XPR1: variants seen among roughly 807,000 people sequenced by gnomAD.
XPR1 encodes the protein xenotropic and polytropic retrovirus receptor 1.
XPR1 carries 28 observed loss-of-function variants against 87.5 expected under a neutral mutation model. The ratio of observed to expected loss-of-function variants is 0.32; its 90% CI spans 0.24 to 0.44. The LOEUF is 0.44. Ranked by LOEUF, XPR1 falls within the 20% of genes least tolerant of loss-of-function variation. The probability of loss-of-function intolerance (pLI) is 1.00; values close to 1 mark genes in which losing one functional copy is unlikely to be tolerated. For synonymous variants in XPR1, 300 were observed against 306.1 expected, an observed-to-expected ratio of 0.98 and a Z score of 0.21; for missense variants, 559 against 862.3, an observed-to-expected ratio of 0.65 and a Z score of 4.41.
At chr1:180,795,988 T>C (rs142797467) in intron 3 of XPR1, among the ~76,000 whole-genome samples, 1 of 152,222 alleles carries the variant, frequency 6.6e-6, no homozygotes, top group African/African-American at 2.4e-5. Context: ...TTTGTATTTT[T>C]AGTAGAGACG....
chr1:180,880,357 A>C, intron 14 of XPR1, 60 bp downstream of exon 14: 1 of 1,588,226 alleles, frequency 6.3e-7, no homozygotes, highest in South Asian at 1.1e-5. Flanking sequence ...ATTGGGTAGC[A>C]TGTAAGCTAA....
intron 6 of XPR1, among the ~76,000 whole-genome samples, chr1:180,810,257 C>T (rs1248234177): frequency 6.6e-6 from 1 of 152,106 alleles, no homozygotes; most frequent in Non-Finnish European, 1.5e-5. Context: ...TTAAGAACCT[C>T]TCGTATATCC....
chr1:180,686,820 GTC>G (rs1656798859), intron 2 of XPR1, among the ~76,000 whole-genome samples: 1 of 152,084 alleles, frequency 6.6e-6, no homozygotes. Flanking sequence ...ATAGTAGAAA[GTC>G]TCATTTCATC....
In XPR1 at chr1:180,824,813, G is replaced by T; in HGVS notation, c.824G>T (p.Gly275Val). 1.2e-6 allele frequency: 2 copies of T among 1,614,040 alleles called. No individual in the cohort carries two copies. Among genetic ancestry groups the T allele is most frequent in the African/African-American group, 1.3e-5 (1 of 75,042 alleles). ...IWPLIRIYRG[G>V]FLLIEFLFLL... ...CCCTTGATAAGAATCTATCGGGGTG[G>T]CTTTCTTCTGATTGAATTCCTTTTT... The change falls in exon 8 of 15, where the codon GGC becomes GTC. Residue 275 changes from glycine to valine, a missense_variant. Physicochemically the swap from Gly to Val is moderately radical, Grantham distance 109. Coordinates refer to ENST00000367590, the MANE Select transcript of XPR1 (RefSeq NM_004736.4).
chr1:180,719,436 A>C (rs73034852), intron 2 of XPR1, among the ~76,000 whole-genome samples: 1 of 152,194 alleles, frequency 6.6e-6, no homozygotes, highest in Non-Finnish European at 1.5e-5. Flanking sequence ...TTGTTGAAGC[A>C]GAGCATTGGA....
intron 1 of XPR1, among the ~76,000 whole-genome samples, chr1:180,640,652 G>A (rs911771306): frequency 6.6e-6 from 1 of 152,160 alleles, no homozygotes; most frequent in Non-Finnish European, 1.5e-5. Flanking sequence ...AGATAGTAGA[G>A]TGTGGTCTGT....
intron 2 of XPR1, among the ~76,000 whole-genome samples, chr1:180,729,209 A>G (rs1026331179): frequency 6.6e-6 from 1 of 152,162 alleles, no homozygotes; most frequent in Non-Finnish European, 1.5e-5. Context: ...CCATGGTGTT[A>G]TATGTATCAC....
chr1:180,818,693 C>G (rs1371159047), intron 7 of XPR1, among the ~76,000 whole-genome samples: 3 of 152,166 alleles, frequency 2.0e-5, no homozygotes, highest in African/African-American at 7.2e-5. Flanking sequence ...AGATGATATA[C>G]TTATTCTTAA....
chr1:180,874,152 C>T, intron 13 of XPR1: 1 of 521,102 alleles, frequency 1.9e-6, no homozygotes, highest in Non-Finnish European at 3.3e-6. Context: ...ACCTCGGCCT[C>T]CCAAAGTGCT....
chr1:180,709,637 A>G (rs1657691848), intron 2 of XPR1, among the ~76,000 whole-genome samples: 1 of 152,128 alleles, frequency 6.6e-6, no homozygotes, highest in South Asian at 2.1e-4. Flanking sequence ...TTCACTTAGA[A>G]TGTGTCAATG....
intron 3 of XPR1, among the ~76,000 whole-genome samples, chr1:180,801,118 G>A (rs1305243556): frequency 6.6e-6 from 1 of 152,212 alleles, no homozygotes; most frequent in Non-Finnish European, 1.5e-5. Context: ...TGTTTTGATA[G>A]TTAAGTGCTG....
chr1:180,693,898 C>T (rs1557960462), intron 2 of XPR1, among the ~76,000 whole-genome samples: 1 of 152,078 alleles, frequency 6.6e-6, no homozygotes, highest in Admixed American at 6.6e-5. Context: ...ATATAGATAT[C>T]TTTTTTTGGT....
At chr1:180,876,053 C>T (rs542984392) in intron 13 of XPR1, among the ~76,000 whole-genome samples, 5 of 151,942 alleles carry the variant, frequency 3.3e-5, no homozygotes, top group East Asian at 1.9e-4. Context: ...ACAAAGAAAA[C>T]GCCAGGCCCA....
chr1:180,842,602 G>A (rs1237716910), intron 11 of XPR1, among the ~76,000 whole-genome samples: 2 of 152,284 alleles, frequency 1.3e-5, no homozygotes, highest in East Asian at 3.9e-4. Context: ...ATTCCTACAA[G>A]TGTTTTGTTG....
chr1:180,653,241 C>G (rs1655350358), intron 1 of XPR1, among the ~76,000 whole-genome samples: 1 of 152,076 alleles, frequency 6.6e-6, no homozygotes, highest in East Asian at 1.9e-4. Flanking sequence ...CTGTACAGGG[C>G]TAACCTGTAT....
chr1:180,748,858 A>G (rs908601968), intron 2 of XPR1, among the ~76,000 whole-genome samples: 2 of 152,184 alleles, frequency 1.3e-5, no homozygotes, highest in African/African-American at 4.8e-5. Context: ...GAAATTGGCA[A>G]ATATGCAAAT....
intron 13 of XPR1, among the ~76,000 whole-genome samples, chr1:180,877,674 A>T (rs1311115108): frequency 6.6e-6 from 1 of 152,172 alleles, no homozygotes; most frequent in Non-Finnish European, 1.5e-5. Context: ...TCCCTTTATG[A>T]TAATTAAGCT....
At chr1:180,720,737 G>A (rs935041294) in intron 2 of XPR1, among the ~76,000 whole-genome samples, 5 of 152,126 alleles carry the variant, frequency 3.3e-5, no homozygotes, top group African/African-American at 1.2e-4. Context: ...GTCTTCAGGG[G>A]ATTTGAATGC....
chr1:180,765,528 G>T (rs1648249632), intron 2 of XPR1, among the ~76,000 whole-genome samples: 2 of 152,074 alleles, frequency 1.3e-5, no homozygotes, highest in Non-Finnish European at 2.9e-5. Flanking sequence ...TATGTGTTGA[G>T]GGTTGGTTTC....
Sources: gnomAD v4.1 joint callset for allele counts (sites outside exome capture counted in the v4.1 genomes callset) on GRCh38, gnomAD v4.1.1 for gene constraint, MANE v1.5 for transcripts, NCBI Gene and HGNC (gene_info 2026-07-23, HGNC 2026-07-21) for gene names.